ARAP2: variants seen among roughly 807,000 people sequenced by gnomAD.
ARAP2 encodes ArfGAP with RhoGAP domain, ankyrin repeat and PH domain 2.
Under a neutral mutation model 194.5 loss-of-function variants are expected in ARAP2, and 148 were observed. The observed-to-expected ratio is 0.76, with a 90% CI of 0.67 to 0.87. The LOEUF (loss-of-function observed/expected upper bound fraction) is 0.87. Ranked by LOEUF, ARAP2 falls within the 40% of genes least tolerant of loss-of-function variation. The pLI, the probability that ARAP2 is intolerant of heterozygous loss-of-function variation, is 0.00. For missense variants in ARAP2, 2,128 were observed against 1,989.7 expected (o/e 1.07, Z -1.32); for synonymous variants, 695 against 683.5 (o/e 1.02, Z -0.26).
rs771482987 is a variant in ARAP2 at position 36,121,249 on chromosome 4, G to A, written c.3824C>T (p.Thr1275Met). 8.7e-6 allele frequency: 14 copies of A among 1,605,442 alleles called. No homozygotes were observed. The highest frequency in any genetic ancestry group is 1.1e-5 in the South Asian group (1 of 90,144). ...ALVFSSCLFQ[T>M]KGQTSEEVNV... ...CACTTCTTCACTAGTTTGTCCCTTC[G>A]TTTGAAACAAACAGGATGAAAAGAC... The change falls in exon 23 of 33, where the codon ACG (threonine) becomes ATG (methionine). Residue 1275 changes from threonine (T) to methionine (M), a missense_variant. By Grantham distance (81) the Thr-to-Met change is moderately conservative. Transcript: ENST00000303965.
chr4:36,147,615 C>T lies in ARAP2; in HGVS notation c.3132G>A (p.Leu1044=). 1.9e-6 allele frequency: 3 copies of T among 1,613,620 alleles called. No individual in the cohort carries two copies. Among genetic ancestry groups the T allele is most frequent in the Non-Finnish European group, 1.7e-6 (2 of 1,179,704 alleles). ...KGWFAMDKSS[L]HFCLQMQEVQ... ...CTTCTTGCATTTGAAGGCAAAAATG[C>T]AAGCTGGATTTGTCCATAGCAAACC... Residue 1044 remains leucine, a synonymous_variant, in exon 18 of 33, where the codon TTG becomes TTA. Transcript: ENST00000303965.
At chr4:36,162,082 T>C (rs1192627257) in intron 11 of ARAP2, among the ~76,000 whole-genome samples, 1 of 144,814 alleles carries the variant, frequency 6.9e-6, no homozygotes, top group Non-Finnish European at 1.5e-5. Context: ...CACTCCAGCC[T>C]GGGCGACAGA....
chr4:36,119,685 C>T lies in ARAP2; in HGVS notation c.3928G>A (p.Glu1310Lys). 1.2e-6 allele frequency: 2 copies of T among 1,603,820 alleles called. No homozygotes were observed. The highest frequency in any genetic ancestry group is 1.7e-6 in the Non-Finnish European group (2 of 1,172,362). ...KEDQVKQMDI[E>K]NSFITKWKDT... ...TTCCACTTGGTAATAAAGCTATTTT[C>T]TATGTCCATTTGTTTGACTTGATCT... Residue 1310 changes from glutamate (E) to lysine (K), a missense_variant, in exon 24 of 33, where the codon GAA becomes AAA. Glu to Lys is a moderately conservative substitution (Grantham distance 56). Transcript: ENST00000303965.
intron 31 of ARAP2, among the ~76,000 whole-genome samples, chr4:36,076,717 G>A (rs1728343781): frequency 6.6e-6 from 1 of 151,772 alleles, no homozygotes; most frequent in African/African-American, 2.4e-5. Flanking sequence ...TCTAAGTGCT[G>A]ACTTCCCCCA....
At chr4:36,207,088 C>T (rs1012096292) in intron 6 of ARAP2, among the ~76,000 whole-genome samples, 1 of 152,212 alleles carries the variant, frequency 6.6e-6, no homozygotes, top group Non-Finnish European at 1.5e-5. Flanking sequence ...AGAGGCACAG[C>T]CATCCAACCA....
chr4:36,111,651 G>A (rs145718387), intron 26 of ARAP2, among the ~76,000 whole-genome samples: 1 of 152,044 alleles, frequency 6.6e-6, no homozygotes, highest in African/African-American at 2.4e-5. Context: ...ATCCAATTCA[G>A]TCTTAGCATT....
At chr4:36,214,278 T>G (rs1747418539) in intron 3 of ARAP2, 144 bp downstream of exon 3, 1 of 477,900 alleles carries the variant, frequency 2.1e-6, no homozygotes, top group Admixed American at 4.1e-5. Context: ...TTTAAAAGTG[T>G]CTGAAGTACT....
intron 6 of ARAP2, 21 bp from the exon 7 acceptor site, chr4:36,193,668 T>C: frequency 1.9e-6 from 3 of 1,556,718 alleles, no homozygotes; most frequent in East Asian, 2.3e-5. Context: ...TATGAAATTG[T>C]TATTTTACAT....
chr4:36,083,838 C>G (rs531207019), intron 28 of ARAP2, among the ~76,000 whole-genome samples: 1 of 151,986 alleles, frequency 6.6e-6, no homozygotes, highest in Non-Finnish European at 1.5e-5. Context: ...TGAGTGTTGC[C>G]AAAGGAAATT....
In ARAP2 at chr4:36,094,484, T is replaced by G. The variant is rs77166585; in HGVS notation, c.4286-2464A>C. ...CAAGAACCTGTTCAATCTCTTTGCC[T>G]TTAGTTCAGTAGTTTCTTTATTCAT... is the stretch of plus-strand genomic sequence containing the variant. On this transcript the variant is annotated intron_variant, in intron 27 of 32. Transcript: ENST00000303965. Among the ~76,000 whole-genome samples, 1,269 of 152,230 alleles carry G rather than the reference T, an allele frequency of 8.3e-3. 18 individuals carry two copies. Among genetic ancestry groups the G allele is most frequent in the African/African-American group, 0.029 (1,218 of 41,550 alleles).
chr4:36,033,145 G>A (rs929129556), intron 5 of ARAP2, among the ~76,000 whole-genome samples: 1 of 152,174 alleles, frequency 6.6e-6, no homozygotes, highest in African/African-American at 2.4e-5. Context: ...ATATGCTCAT[G>A]TGTCTTAATG....
intron 1 of ARAP2, among the ~76,000 whole-genome samples, chr4:36,232,369 A>G (rs1006572030): frequency 6.6e-6 from 1 of 152,202 alleles, no homozygotes; most frequent in Admixed American, 6.5e-5. Flanking sequence ...CACATGCTCA[A>G]CCAGATAAAG....
At chr4:36,097,151 C>T (rs981373900) in intron 27 of ARAP2, among the ~76,000 whole-genome samples, 7 of 151,872 alleles carry the variant, frequency 4.6e-5, no homozygotes, top group Admixed American at 2.0e-4. Context: ...TTTTAAATAT[C>T]GTTTAAATAG....
At chr4:36,151,177 T>A (rs1430076369) in intron 15 of ARAP2, 133 bp from the exon 16 acceptor site, 28 of 802,066 alleles carry the variant, frequency 3.5e-5, no homozygotes, top group Non-Finnish European at 5.3e-5. Flanking sequence ...ACATAAAGTA[T>A]ATGTTATTGC....
intron 19 of ARAP2, among the ~76,000 whole-genome samples, chr4:36,136,806 TGTGTGTGTGTGTGC>T (rs1429342892): frequency 1.6e-5 from 2 of 128,230 alleles, no homozygotes; most frequent in African/African-American, 5.3e-5. Flanking sequence ...TGTGTGTGTG[TGTGTGTGTGTGTGC>T]GTGTCTGTGT....
chr4:36,216,668 C>G (rs984744398), intron 2 of ARAP2, among the ~76,000 whole-genome samples: 1 of 151,826 alleles, frequency 6.6e-6, no homozygotes, highest in African/African-American at 2.4e-5. Context: ...AAATAGACAT[C>G]AGGAAGTAAA....
chr4:36,243,593 A>G (rs1415024292), intron 1 of ARAP2: 1 of 152,178 alleles, frequency 6.6e-6, no homozygotes, highest in African/African-American at 2.4e-5. Flanking sequence ...CCAGAATTAG[A>G]TAAAGTAAAA....
rs1183562228 is a variant in ARAP2 at position 36,166,919 on chromosome 4, A to C, written c.1973+13T>G. ...ATAGTAGTACGAACACAAAATGTTT[A>C]AAAATAGCTTACCTGAAACTCCTGT... On this transcript the variant is annotated intron_variant, in intron 10 of 32. Coordinates refer to ENST00000303965, the MANE Select transcript of ARAP2 (RefSeq NM_015230.4). 6.5e-7 allele frequency: 1 copy of C among 1,532,078 alleles called. No homozygotes were observed. The highest frequency in any genetic ancestry group is 2.0e-5 in the Admixed American group (1 of 49,506). 94.9% of individuals were successfully genotyped at this position (1,532,078 alleles called of 1,614,324 possible).
intron 2 of ARAP2, 60 bp downstream of exon 2, chr4:36,228,522 A>T: frequency 1.4e-6 from 2 of 1,460,766 alleles, no homozygotes; most frequent in Non-Finnish European, 1.8e-6. Flanking sequence ...TATAACTGTT[A>T]AAAAAAATCA....
Sources: gnomAD v4.1 joint callset for allele counts (sites outside exome capture counted in the v4.1 genomes callset) on GRCh38, gnomAD v4.1.1 for gene constraint, MANE v1.5 for transcripts, NCBI Gene and HGNC (gene_info 2026-07-23, HGNC 2026-07-21) for gene names.